The following CHSY3 variants were observed in gnomAD, a reference collection of about 807,000 sequenced individuals.
CHSY3 encodes the protein chondroitin sulfate synthase 3.
In CHSY3, 35 loss-of-function variants were observed where a neutral mutation model predicts 67.2. That is an observed-to-expected ratio of 0.52 (90% CI 0.40 to 0.69). CHSY3 has a LOEUF of 0.69. Ranked by LOEUF, CHSY3 falls within the 30% of genes least tolerant of loss-of-function variation. The pLI, the probability that CHSY3 is intolerant of heterozygous loss-of-function variation, is 0.00. For missense variants in CHSY3, 1,069 were observed against 1,138.5 expected (o/e 0.94, Z 0.88); for synonymous variants, 474 against 434.7 (o/e 1.09, Z -1.12).
At chr5:130,159,361 C>T (rs1769463881) in intron 2 of CHSY3, among the ~76,000 whole-genome samples, 1 of 151,464 alleles carries the variant, frequency 6.6e-6, no homozygotes, top group South Asian at 2.1e-4. Flanking sequence ...GACAGGGTTT[C>T]ACCATGTTGC....
At chr5:129,982,191 A>G (rs1763038170) in intron 2 of CHSY3, among the ~76,000 whole-genome samples, 1 of 152,118 alleles carries the variant, frequency 6.6e-6, no homozygotes, top group South Asian at 2.1e-4. Context: ...TAATAAATAT[A>G]CTATTCATTT....
intron 2 of CHSY3, among the ~76,000 whole-genome samples, chr5:129,963,796 T>A (rs1255799357): frequency 1.3e-5 from 2 of 151,882 alleles, no homozygotes; most frequent in Admixed American, 6.6e-5. Context: ...AATGTCAGTT[T>A]TTTTTTTCCT....
intron 2 of CHSY3, among the ~76,000 whole-genome samples, chr5:130,082,563 A>G (rs1766477839): frequency 1.3e-5 from 2 of 152,044 alleles, no homozygotes; most frequent in Non-Finnish European, 2.9e-5. Context: ...CTGAATAAAT[A>G]TCATTAATGC....
intron 2 of CHSY3, among the ~76,000 whole-genome samples, chr5:129,988,467 A>T (rs1024942378): frequency 1.3e-5 from 2 of 152,212 alleles, no homozygotes; most frequent in African/African-American, 2.4e-5. Context: ...GGTGTCTTCT[A>T]GACATATATT....
At chr5:130,115,297 G>T (rs1398245944) in intron 2 of CHSY3, among the ~76,000 whole-genome samples, 1 of 151,666 alleles carries the variant, frequency 6.6e-6, no homozygotes. Context: ...AAATAATTAT[G>T]TTTAATGTTT....
At chr5:129,974,764 G>A (rs959277406) in intron 2 of CHSY3, 1 of 152,092 alleles carries the variant, frequency 6.6e-6, no homozygotes, top group Non-Finnish European at 1.5e-5. Flanking sequence ...ACAGATTTCA[G>A]GACACCATAG....
intron 2 of CHSY3, among the ~76,000 whole-genome samples, chr5:130,173,672 A>G (rs1240428078): frequency 6.6e-6 from 1 of 152,162 alleles, no homozygotes; most frequent in African/African-American, 2.4e-5. Context: ...GATATGAAGA[A>G]GAGTGTACCT....
intron 2 of CHSY3, among the ~76,000 whole-genome samples, chr5:130,163,642 C>G (rs1580792690): frequency 6.6e-6 from 1 of 152,102 alleles, no homozygotes; most frequent in Non-Finnish European, 1.5e-5. Flanking sequence ...ACTGAATTAT[C>G]TCAATACTAA....
intron 2 of CHSY3, among the ~76,000 whole-genome samples, chr5:130,124,010 A>C (rs1376443897): frequency 3.7e-4 from 48 of 130,248 alleles, no homozygotes; most frequent in African/African-American, 1.4e-3. Context: ...ACTGCACTCC[A>C]GCCTGGGTGA....
chr5:130,022,471 G>T (rs1417098500), intron 2 of CHSY3, among the ~76,000 whole-genome samples: 1 of 151,874 alleles, frequency 6.6e-6, no homozygotes, highest in Admixed American at 6.6e-5. Flanking sequence ...TATATATATG[G>T]TTGCATTTGA....
chr5:130,182,338 G>C lies in CHSY3; in HGVS notation c.1087-1891G>C, dbSNP rs535290631. On this transcript the variant is annotated intron_variant, in intron 2 of 2. Transcript: ENST00000305031. The stretch of plus-strand genomic sequence containing the variant: ...GGTTTTCTTTGTCACTTTTCTGCTA[G>C]GTTTGTCCTTCCTTTTTTCCTTATT... Among the ~76,000 whole-genome samples, 8 of 152,048 alleles carry C rather than the reference G, an allele frequency of 5.3e-5. No individual in the cohort carries two copies. The East Asian group carries it at 1.5e-3, about 29-fold the overall frequency.
chr5:130,183,589 GT>G lies in CHSY3; in HGVS notation c.1087-638del, dbSNP rs374509710. On this transcript the variant is annotated intron_variant, in intron 2 of 2. Transcript: ENST00000305031. ...CTCCTTCTCCGTGATCTGTTATGGGGTTATGGACACAGTCAATTGTTGTTTT... is the reference window on the plus strand; with the variant it reads ...CTCCTTCTCCGTGATCTGTTATGGGGTATGGACACAGTCAATTGTTGTTTT... Among the ~76,000 whole-genome samples the G allele has an allele frequency of 1.9e-3, 291 of 152,192 alleles. 2 individuals are homozygous for G. Among genetic ancestry groups the G allele is most frequent in the African/African-American group, 6.7e-3 (279 of 41,526 alleles).
intron 2 of CHSY3, among the ~76,000 whole-genome samples, chr5:130,138,944 G>T (rs879485967): frequency 1.3e-5 from 2 of 152,084 alleles, no homozygotes; most frequent in African/African-American, 2.4e-5. Context: ...ATCATTGTGT[G>T]GTTATCATAG....
chr5:130,167,543 G>A (rs962577425), intron 2 of CHSY3, among the ~76,000 whole-genome samples: 1 of 152,098 alleles, frequency 6.6e-6, no homozygotes, highest in African/African-American at 2.4e-5. Flanking sequence ...AGAAACCTAA[G>A]TTATTTCAAG....
At chr5:129,971,565 A>G (rs931365847) in intron 2 of CHSY3, among the ~76,000 whole-genome samples, 1 of 151,976 alleles carries the variant, frequency 6.6e-6, no homozygotes, top group Admixed American at 6.6e-5. Flanking sequence ...GTAAGTTAGT[A>G]TCATGACCTC....
chr5:130,074,101 C>T (rs573638758), intron 2 of CHSY3, among the ~76,000 whole-genome samples: 4 of 152,046 alleles, frequency 2.6e-5, no homozygotes, highest in South Asian at 2.1e-4. Flanking sequence ...GACAGAGTCT[C>T]GCTCTGTCAC....
rs184758911 is a variant in CHSY3 at position 129,941,344 on chromosome 5, C to T, written c.1086+32984C>T. ...ACATGCACAACAAATGTATTATTTA[C>T]GTAAATCAATATCAAAATCATAGAC... On this transcript the variant is annotated intron_variant, in intron 2 of 2. Transcript: ENST00000305031. Among the ~76,000 whole-genome samples the T allele has an allele frequency of 9.9e-5, 15 of 152,160 alleles. No individual in the cohort carries two copies. In the East Asian group the frequency reaches 1.4e-3, roughly 14 times the overall value.
intron 2 of CHSY3, among the ~76,000 whole-genome samples, chr5:130,048,190 A>G (rs1765212245): frequency 6.6e-6 from 1 of 151,954 alleles, no homozygotes; most frequent in Admixed American, 6.6e-5. Flanking sequence ...AATCCTTATC[A>G]TTATCATTAG....
At chr5:130,027,016 C>T (rs1208592368) in intron 2 of CHSY3, among the ~76,000 whole-genome samples, 1 of 152,048 alleles carries the variant, frequency 6.6e-6, no homozygotes. Context: ...ACTAGGGTGT[C>T]GCAACCTCAC....
Sources: allele counts gnomAD v4.1 joint callset (sites outside exome capture counted in the v4.1 genomes callset), GRCh38; gene constraint gnomAD v4.1.1; transcripts MANE v1.5; gene names NCBI Gene and HGNC (gene_info 2026-07-23, HGNC 2026-07-21).